Variants in MYLK observed in about 807,000 individuals in gnomAD.
The protein encoded by MYLK is myosin light chain kinase.
Under a neutral mutation model 203.4 loss-of-function variants are expected in MYLK, and 106 were observed. The ratio of observed to expected loss-of-function variants is 0.52; its 90% CI spans 0.45 to 0.61. The LOEUF (loss-of-function observed/expected upper bound fraction) is 0.61. MYLK is among the 20% of genes least tolerant of loss of function. The probability of loss-of-function intolerance (pLI) is 0.00; values close to 1 mark genes in which losing one functional copy is unlikely to be tolerated. For missense variants in MYLK, 2,072 were observed against 2,442.3 expected (o/e 0.85, Z 3.20); for synonymous variants, 867 against 959.5 (o/e 0.90, Z 1.78).
intron 13 of MYLK, among the ~76,000 whole-genome samples, chr3:123,718,691 C>T (rs977760507): frequency 6.6e-6 from 1 of 152,150 alleles, no homozygotes; most frequent in African/African-American, 2.4e-5. Flanking sequence ...CTCTCACCCT[C>T]CTCGATTCAC....
At chr3:123,633,890 C>G (rs545644403) in intron 29 of MYLK, among the ~76,000 whole-genome samples, 1 of 152,126 alleles carries the variant, frequency 6.6e-6, no homozygotes, top group East Asian at 1.9e-4. Flanking sequence ...GCTATATCAG[C>G]CAGGCTGGTC....
chr3:123,852,181 A>T (rs1359991350), intron 2 of MYLK, among the ~76,000 whole-genome samples: 2 of 152,188 alleles, frequency 1.3e-5, no homozygotes, highest in Non-Finnish European at 2.9e-5. Flanking sequence ...ATCAATGTTC[A>T]TCAAGGATAG....
intron 3 of MYLK, among the ~76,000 whole-genome samples, chr3:123,822,380 C>T (rs2065967446): frequency 6.6e-6 from 1 of 152,112 alleles, no homozygotes; most frequent in Non-Finnish European, 1.5e-5. Flanking sequence ...AAAGCGCAGC[C>T]CATAGAATTA....
At chr3:123,665,001 G>A (rs2059689834) in intron 22 of MYLK, among the ~76,000 whole-genome samples, 1 of 152,180 alleles carries the variant, frequency 6.6e-6, no homozygotes, top group Non-Finnish European at 1.5e-5. Context: ...TGGGTCTGGG[G>A]TTTCTTACTG....
At chr3:123,850,211 C>T (rs1382038983) in intron 2 of MYLK, among the ~76,000 whole-genome samples, 2 of 152,154 alleles carry the variant, frequency 1.3e-5, no homozygotes, top group Non-Finnish European at 2.9e-5. Flanking sequence ...CATATGTGTG[C>T]ATGTGTCTTT....
intron 3 of MYLK, among the ~76,000 whole-genome samples, chr3:123,800,893 C>A (rs878937131): frequency 6.6e-6 from 1 of 152,052 alleles, no homozygotes; most frequent in Admixed American, 6.6e-5. Context: ...TTATTGAGGG[C>A]CCCCAGAGAG....
At chr3:123,731,868 T>A (rs1436521086) in intron 11 of MYLK, among the ~76,000 whole-genome samples, 2 of 152,162 alleles carry the variant, frequency 1.3e-5, no homozygotes, top group East Asian at 3.8e-4. Context: ...CCAAATTCTC[T>A]TGATGTTCCC....
At chr3:123,878,757 A>T (rs1365705530) in intron 1 of MYLK, among the ~76,000 whole-genome samples, 1 of 152,066 alleles carries the variant, frequency 6.6e-6, no homozygotes, top group Admixed American at 6.5e-5. Context: ...GTATGATCTC[A>T]GCTCACTGCA....
At chr3:123,638,616 G>T in intron 28 of MYLK, 1 of 362,476 alleles carries the variant, frequency 2.8e-6, no homozygotes, top group Non-Finnish European at 3.8e-6. Flanking sequence ...TATAATGCCC[G>T]TGCTACTGAG....
At chr3:123,750,395 T>G (rs1458753706) in intron 5 of MYLK, among the ~76,000 whole-genome samples, 1 of 152,164 alleles carries the variant, frequency 6.6e-6, no homozygotes, top group East Asian at 1.9e-4. Flanking sequence ...CTGAGTACCA[T>G]GAGCTACTAA....
intron 4 of MYLK, among the ~76,000 whole-genome samples, chr3:123,760,478 G>A (rs2063500036): frequency 6.6e-6 from 1 of 152,168 alleles, no homozygotes; most frequent in Non-Finnish European, 1.5e-5. Flanking sequence ...ACGCCTGGCT[G>A]AGAAGTTTAT....
chr3:123,634,933 C>T (rs2058582960), intron 29 of MYLK, among the ~76,000 whole-genome samples: 1 of 152,254 alleles, frequency 6.6e-6, no homozygotes, highest in Non-Finnish European at 1.5e-5. Flanking sequence ...ACTCACACAA[C>T]CTACTATCTC....
chr3:123,735,240 A>G, intron 9 of MYLK, 158 bp downstream of exon 9: 1 of 981,020 alleles, frequency 1.0e-6, no homozygotes, highest in South Asian at 1.3e-5. Flanking sequence ...ATATTACAAT[A>G]GGAGAACAAG....
intron 33 of MYLK, chr3:123,617,583 T>C (rs942958569): frequency 6.6e-6 from 1 of 152,250 alleles, no homozygotes; most frequent in Admixed American, 6.5e-5. Flanking sequence ...CTAGTCACAT[T>C]GCTGGAGAAT....
intron 2 of MYLK, among the ~76,000 whole-genome samples, chr3:123,848,279 T>A (rs2030296207): frequency 6.6e-6 from 1 of 151,888 alleles, no homozygotes; most frequent in Non-Finnish European, 1.5e-5. Flanking sequence ...TTACTAGGGT[T>A]TTATCTATAT....
At chr3:123,854,560 C>A (rs1425085646) in intron 2 of MYLK, among the ~76,000 whole-genome samples, 2 of 151,728 alleles carry the variant, frequency 1.3e-5, no homozygotes, top group East Asian at 1.9e-4. Context: ...TTTTTCTTTC[C>A]AAAACATATC....
intron 5 of MYLK, among the ~76,000 whole-genome samples, chr3:123,741,774 T>G (rs767429974): frequency 1.3e-5 from 2 of 152,230 alleles, no homozygotes; most frequent in Non-Finnish European, 2.9e-5. Context: ...AAATAAGTAG[T>G]CAGGTAAAAT....
intron 3 of MYLK, among the ~76,000 whole-genome samples, chr3:123,814,572 T>C (rs932531339): frequency 1.3e-5 from 2 of 152,236 alleles, no homozygotes; most frequent in African/African-American, 4.8e-5. Flanking sequence ...TGTATGTACT[T>C]TTAAAAATAA....
intron 20 of MYLK, among the ~76,000 whole-genome samples, chr3:123,670,054 A>AAAAAAAG: frequency 6.6e-6 from 1 of 151,150 alleles, no homozygotes; most frequent in Admixed American, 6.8e-5. Flanking sequence ...AAAAAAAAAA[A>AAAAAAAG]AAGCAAACAT....
Sources: gnomAD v4.1 joint callset for allele counts (sites outside exome capture counted in the v4.1 genomes callset) on GRCh38, gnomAD v4.1.1 for gene constraint, MANE v1.5 for transcripts, NCBI Gene and HGNC (gene_info 2026-07-23, HGNC 2026-07-21) for gene names.